CLNK: variants seen among roughly 807,000 people sequenced by gnomAD.
The protein encoded by CLNK is cytokine-dependent hematopoietic cell linker.
A neutral mutation model predicts 68.6 loss-of-function variants in CLNK; 74 were observed. The observed-to-expected ratio is 1.08, with a 90% CI of 0.89 to 1.31. The LOEUF (loss-of-function observed/expected upper bound fraction) is 1.31, where lower values mean the gene tolerates loss of function less well. CLNK is among the 50% of genes most tolerant of loss of function. The pLI is 0.00. For synonymous variants in CLNK, 198 were observed against 172.2 expected, an observed-to-expected ratio of 1.15 and a Z score of -1.17; for missense variants, 553 against 515.3, an observed-to-expected ratio of 1.07 and a Z score of -0.71.
At chr4:10,651,229 C>T (rs554062772) in intron 2 of CLNK, among the ~76,000 whole-genome samples, 3 of 152,324 alleles carry the variant, frequency 2.0e-5, no homozygotes, top group African/African-American at 4.8e-5. Context: ...AATCATTCTA[C>T]TATCAAGACA....
At chr4:10,640,954 C>T (rs547853995) in intron 2 of CLNK, among the ~76,000 whole-genome samples, 3 of 152,298 alleles carry the variant, frequency 2.0e-5, no homozygotes, top group East Asian at 1.9e-4. Context: ...GTGAAGGGGG[C>T]CTTGTGGTAG....
the CLNK span, among the ~76,000 whole-genome samples, chr4:10,712,118 GA>G: frequency 1.3e-5 from 2 of 152,144 alleles, no homozygotes; most frequent in Non-Finnish European, 2.9e-5. Flanking sequence ...AGTATAAGGA[GA>G]ATTTTTTTGA....
intron 1 of CLNK, among the ~76,000 whole-genome samples, chr4:10,673,647 A>G (rs1045736703): frequency 1.3e-5 from 2 of 150,182 alleles, no homozygotes; most frequent in African/African-American, 2.5e-5. Flanking sequence ...GGAGGGGAAC[A>G]TCACACACTG....
chr4:10,545,580 T>TACCATAGTG (rs1340628356), intron 8 of CLNK, among the ~76,000 whole-genome samples: 21 of 152,246 alleles, frequency 1.4e-4, no homozygotes, highest in African/African-American at 4.8e-4. Context: ...TCACTCCCAT[T>TACCATAGTG]ACCATAGTGG....
chr4:10,690,749 C>T, the CLNK span, among the ~76,000 whole-genome samples: 4 of 152,118 alleles, frequency 2.6e-5, no homozygotes, highest in Non-Finnish European at 1.5e-5. Context: ...CTCGGAGTCA[C>T]CAAGTTCTCA....
At chr4:10,623,334 C>G (rs1577176136) in intron 2 of CLNK, among the ~76,000 whole-genome samples, 1 of 152,190 alleles carries the variant, frequency 6.6e-6, no homozygotes, top group Admixed American at 6.5e-5. Context: ...TTATAGGATG[C>G]TCTTTTAATA....
chr4:10,538,564 T>G lies in CLNK; in HGVS notation c.602+1930A>C, dbSNP rs534560115. Among the ~76,000 whole-genome samples the G allele has an allele frequency of 3.9e-5, 6 of 152,352 alleles. No individual in the cohort carries two copies. The East Asian group carries it at 9.6e-4, about 24-fold the overall frequency. ...TTCCAACTCTGATAACACAGCTTCA[T>G]GGGTTGGATGGTCTGTTATTATTGT... On this transcript the variant is annotated intron_variant, in intron 11 of 18. Coordinates refer to ENST00000226951, the MANE Select transcript of CLNK (RefSeq NM_052964.4).
At chr4:10,607,518 T>C (rs550989772) in intron 2 of CLNK, among the ~76,000 whole-genome samples, 1 of 152,206 alleles carries the variant, frequency 6.6e-6, no homozygotes, top group African/African-American at 2.4e-5. Flanking sequence ...TCCTATAAAG[T>C]ACAGTATCTC....
chr4:10,714,349 A>G, the CLNK span, among the ~76,000 whole-genome samples: 1 of 152,228 alleles, frequency 6.6e-6, no homozygotes, highest in Non-Finnish European at 1.5e-5. Context: ...AAACTTAAAC[A>G]GTGGGAAATA....
intron 10 of CLNK, among the ~76,000 whole-genome samples, chr4:10,541,222 CAA>C (rs200738466): frequency 8.3e-4 from 32 of 38,436 alleles, no homozygotes; most frequent in African/African-American, 1.1e-3. Context: ...AAAAAAAAAA[CAA>C]AAAAAAAAAA....
At chr4:10,523,715 A>G (rs1304269332) in intron 14 of CLNK, among the ~76,000 whole-genome samples, 1 of 152,218 alleles carries the variant, frequency 6.6e-6, no homozygotes, top group Non-Finnish European at 1.5e-5. Flanking sequence ...TACATTTTTT[A>G]CTTTTAGAAA....
chr4:10,657,180 T>C (rs1724021870), intron 2 of CLNK, among the ~76,000 whole-genome samples: 1 of 152,162 alleles, frequency 6.6e-6, no homozygotes, highest in Non-Finnish European at 1.5e-5. Flanking sequence ...GCAGTCTGGG[T>C]GCAAGATAAA....
the CLNK span, among the ~76,000 whole-genome samples, chr4:10,724,384 T>G: frequency 1.3e-5 from 2 of 152,192 alleles, no homozygotes; most frequent in Non-Finnish European, 2.9e-5. Context: ...TGCTCAGAAT[T>G]TGAATCCTTC....
chr4:10,487,124 A>G lies in CLNK; in HGVS notation c.*3343T>C, dbSNP rs1242535293. ...TTCTATTACTCTATTGAAATCAGATATCAAGTGATACTTTTAAACTAAACG... is the reference window on the plus strand; with the variant it reads ...TTCTATTACTCTATTGAAATCAGATGTCAAGTGATACTTTTAAACTAAACG... On this transcript the variant is annotated 3_prime_UTR_variant, in exon 19 of 19. Coordinates refer to ENST00000226951, the MANE Select transcript of CLNK (RefSeq NM_052964.4). 6.6e-6 allele frequency: 1 copy of G among 152,238 alleles called. No homozygotes were observed. Among genetic ancestry groups the G allele is most frequent in the Non-Finnish European group, 1.5e-5 (1 of 68,042 alleles). 9.4% of individuals were successfully genotyped at this position (152,238 alleles called of 1,614,324 possible). A position where few individuals can be genotyped will look rare whatever the true frequency, so the allele number is the denominator to read the frequency against.
chr4:10,616,492 A>G (rs1031896991), intron 2 of CLNK, among the ~76,000 whole-genome samples: 5 of 152,222 alleles, frequency 3.3e-5, no homozygotes, highest in African/African-American at 1.2e-4. Flanking sequence ...CTGAAGAACA[A>G]GTAAAGTCCT....
intron 4 of CLNK, among the ~76,000 whole-genome samples, chr4:10,577,058 C>G (rs540906048): frequency 1.3e-5 from 2 of 152,030 alleles, no homozygotes; most frequent in Admixed American, 1.3e-4. Flanking sequence ...CCAGTGGGTC[C>G]CATGGTGAGA....
intron 1 of CLNK, among the ~76,000 whole-genome samples, chr4:10,676,379 GTTA>G (rs1724873418): frequency 7.5e-6 from 1 of 133,242 alleles, no homozygotes; most frequent in South Asian, 2.5e-4. Flanking sequence ...CAAATGCATT[GTTA>G]TTATAGATTT....
chr4:10,580,768 G>C (rs535103659), intron 4 of CLNK, among the ~76,000 whole-genome samples: 186 of 152,306 alleles, frequency 1.2e-3, no homozygotes, highest in African/African-American at 4.2e-3. Flanking sequence ...TATTAGGAAA[G>C]AGTAAAAAAG....
intron 4 of CLNK, among the ~76,000 whole-genome samples, chr4:10,583,462 T>C (rs1357332072): frequency 6.6e-6 from 1 of 152,040 alleles, no homozygotes; most frequent in Non-Finnish European, 1.5e-5. Flanking sequence ...AATTTTAGTA[T>C]TTTTAGTAGA....
Sources: allele counts gnomAD v4.1 joint callset (sites outside exome capture counted in the v4.1 genomes callset), GRCh38; gene constraint gnomAD v4.1.1; transcripts MANE v1.5; gene names NCBI Gene and HGNC (gene_info 2026-07-23, HGNC 2026-07-21).